Variants in SERPINB8 observed in about 807,000 individuals in gnomAD.
The protein encoded by SERPINB8 is serpin family B member 8, also known as serpin B8.
Under a neutral mutation model 35.3 loss-of-function variants are expected in SERPINB8, and 25 were observed. The observed-to-expected ratio is 0.71, with a 90% CI of 0.52 to 0.99. The LOEUF (loss-of-function observed/expected upper bound fraction) is 0.99. Ranked by LOEUF, SERPINB8 falls within the 50% of genes least tolerant of loss-of-function variation. The pLI, the probability that SERPINB8 is intolerant of heterozygous loss-of-function variation, is 0.00. For synonymous variants in SERPINB8, 186 were observed against 160.8 expected (o/e 1.16, Z -1.19); for missense variants, 484 against 446.5 (o/e 1.08, Z -0.76).
rs2050839108 is a variant in SERPINB8, at chr18:63,994,455, G to T, written c.70+9210G>T. Among the ~76,000 whole-genome samples the T allele has an allele frequency of 2.6e-5, 4 of 152,118 alleles. No individual in the cohort carries two copies. The South Asian group carries it at 8.3e-4, about 32-fold the overall frequency. On this transcript the variant is annotated intron_variant, in intron 1 of 1. Coordinates refer to the SERPINB8 transcript ENST00000493661. Reference sequence around the variant, plus strand: ...TCAGGGCACAGTAGAGGTGCTGGTGGTTCATCTGCAAGAGTCTGAGGGTAC... The same window carrying T: ...TCAGGGCACAGTAGAGGTGCTGGTGTTTCATCTGCAAGAGTCTGAGGGTAC...
chr18:63,977,509 A>G (rs1052630746), intron 1 of SERPINB8, among the ~76,000 whole-genome samples: 4 of 151,960 alleles, frequency 2.6e-5, no homozygotes, highest in African/African-American at 4.8e-5. Flanking sequence ...TGAATTTTCA[A>G]TAGAGATGGG....
chr18:63,985,143 G>A lies in SERPINB8; in HGVS notation c.618G>A (p.Gly206=), dbSNP rs1319374983. 1 of 1,614,220 alleles carries A rather than the reference G, an allele frequency of 6.2e-7. No individual in the cohort carries two copies. The highest frequency in any genetic ancestry group is 1.1e-5 in the South Asian group (1 of 91,088). The change falls in exon 6 of 7, where the codon GGG becomes GGA. Residue 206 remains glycine (G), a synonymous_variant. Transcript: ENST00000397985. Reference sequence around the variant, plus strand: ...TTAAGGAAGCTAAGTTTAAAATGGGGTATGCGGATGAGGTACACACCCAGG... The same window carrying A: ...TTAAGGAAGCTAAGTTTAAAATGGGATATGCGGATGAGGTACACACCCAGG... ...MMFKEAKFKM[G]YADEVHTQVL... is the part of the protein sequence containing the mutation.
chr18:64,005,513 C>T (rs574464635), exon 2 of SERPINB8: 2 of 152,204 alleles, frequency 1.3e-5, no homozygotes, highest in Non-Finnish European at 2.9e-5. Context: ...AGAGAACTAC[C>T]TTGCCCCTCT....
intron 7 of SERPINB8, among the ~76,000 whole-genome samples, chr18:64,014,414 A>G (rs2050940249): frequency 6.6e-6 from 1 of 152,166 alleles, no homozygotes; most frequent in South Asian, 2.1e-4. Flanking sequence ...GTATACATTT[A>G]AATTTCACAA....
chr18:64,010,664 G>GCTACTT (rs2050922019), downstream of SERPINB8, among the ~76,000 whole-genome samples: 1 of 151,972 alleles, frequency 6.6e-6, no homozygotes, highest in African/African-American at 2.4e-5. Context: ...ATTAATAACA[G>GCTACTT]CTACCAACAC....
At chr18:63,982,463 C>A (rs1188102882) in intron 4 of SERPINB8, among the ~76,000 whole-genome samples, 1 of 152,130 alleles carries the variant, frequency 6.6e-6, no homozygotes, top group Non-Finnish European at 1.5e-5. Flanking sequence ...TCCTAAATAC[C>A]TAACAAGTAA....
At chr18:63,981,064 C>T (rs558541389) in intron 3 of SERPINB8, among the ~76,000 whole-genome samples, 70 of 152,244 alleles carry the variant, frequency 4.6e-4, no homozygotes, top group Non-Finnish European at 8.7e-4. Flanking sequence ...GCAATCCACA[C>T]ACATGCAGGT....
chr18:63,973,958 T>C (rs1008332912), intron 1 of SERPINB8, among the ~76,000 whole-genome samples: 3 of 152,228 alleles, frequency 2.0e-5, no homozygotes, highest in African/African-American at 7.2e-5. Flanking sequence ...TAGGATTGTC[T>C]TGGCAATGTG....
chr18:64,011,292 G>A (rs1319729023), intron 7 of SERPINB8, among the ~76,000 whole-genome samples: 1 of 151,984 alleles, frequency 6.6e-6, no homozygotes, highest in Non-Finnish European at 1.5e-5. Flanking sequence ...GACATCAGGT[G>A]TCAAGCTATT....
At chr18:63,972,692 A>C (rs1375594879) in intron 1 of SERPINB8, among the ~76,000 whole-genome samples, 1 of 103,802 alleles carries the variant, frequency 9.6e-6, no homozygotes, top group Middle Eastern at 0.011. Flanking sequence ...CCCTATGTCC[A>C]AGTGTTTTCA....
rs920806368 is a variant in SERPINB8 at position 63,987,620 on chromosome 18, C to A, written c.*342C>A. ...CCTCTTCCATCCGCCCGGCTCTGCC[C>A]ACCACCACTGCCAGGCTGAACAGGG... On this transcript the variant is annotated 3_prime_UTR_variant, in exon 7 of 7. Coordinates refer to ENST00000397985, the MANE Select transcript of SERPINB8 (RefSeq NM_002640.4). 4.9e-5 allele frequency: 11 copies of A among 225,092 alleles called. No individual in the cohort carries two copies. Among genetic ancestry groups the A allele is most frequent in the Admixed American group, 2.6e-4 (5 of 19,232 alleles). 13.9% of individuals were successfully genotyped at this position (225,092 alleles called of 1,614,324 possible).
At chr18:63,973,044 T>G (rs1409164751) in intron 1 of SERPINB8, among the ~76,000 whole-genome samples, 1 of 152,252 alleles carries the variant, frequency 6.6e-6, no homozygotes, top group Non-Finnish European at 1.5e-5. Flanking sequence ...TTTCTAGTTC[T>G]AGATCCTTGA....
intron 6 of SERPINB8, chr18:63,986,512 C>G (rs374566398): frequency 6.7e-6 from 9 of 1,344,944 alleles, no homozygotes; most frequent in African/African-American, 6.0e-5. Context: ...GTCAAACAAT[C>G]TCTCCCACTC....
chr18:64,015,550 T>C (rs536038439), intron 7 of SERPINB8, among the ~76,000 whole-genome samples: 1 of 152,350 alleles, frequency 6.6e-6, no homozygotes, highest in Non-Finnish European at 1.5e-5. Context: ...GCTTTTCTTA[T>C]TTCAAAGATG....
At chr18:64,003,380 G>C (rs1306660916) in intron 1 of SERPINB8, among the ~76,000 whole-genome samples, 1 of 152,040 alleles carries the variant, frequency 6.6e-6, no homozygotes, top group Non-Finnish European at 1.5e-5. Flanking sequence ...TGGGGAAGCC[G>C]CTGAGGCAGT....
rs374893137 is a variant in SERPINB8 at position 63,987,153 on chromosome 18, G to A, written c.1000G>A (p.Val334Met). Reference protein sequence around the residue: ...EGTEAAAATAVVRNSRCSRME... With the variant: ...EGTEAAAATAMVRNSRCSRME... ...CACAGAGGCTGCCGCAGCCACTGCT[G>A]TGGTCAGGAATTCCCGGTGCAGCAG... Residue 334 changes from valine (V) to methionine (M), a missense_variant, in exon 7 of 7, where the codon GTG (valine) becomes ATG (methionine). Physicochemically the swap from Val to Met is conservative, Grantham distance 21. Coordinates refer to ENST00000397985, the MANE Select transcript of SERPINB8 (RefSeq NM_002640.4). 14 of 1,614,214 alleles carry A rather than the reference G, an allele frequency of 8.7e-6. No homozygotes were observed. The highest frequency in any genetic ancestry group is 1.1e-5 in the Non-Finnish European group (13 of 1,180,042).
At chr18:63,976,455 T>G (rs78816011) in intron 1 of SERPINB8, among the ~76,000 whole-genome samples, 1,706 of 152,336 alleles carry the variant, frequency 0.011, 42 homozygotes, top group African/African-American at 0.039. Flanking sequence ...AACTGGTTGA[T>G]AGGGATGCTA....
intron 1 of SERPINB8, among the ~76,000 whole-genome samples, chr18:63,975,477 T>C (rs1273357762): frequency 6.6e-6 from 1 of 152,130 alleles, no homozygotes; most frequent in African/African-American, 2.4e-5. Context: ...ACAGGAATAT[T>C]TTGTTCCATA....
downstream of SERPINB8, among the ~76,000 whole-genome samples, chr18:64,009,690 T>A (rs2050916932): frequency 6.6e-6 from 1 of 152,244 alleles, no homozygotes; most frequent in South Asian, 2.1e-4. Context: ...TGCCGGAAGC[T>A]GCAAAAGTTT....
Sources: gnomAD v4.1 joint callset for allele counts (sites outside exome capture counted in the v4.1 genomes callset) on GRCh38, gnomAD v4.1.1 for gene constraint, MANE v1.5 for transcripts, NCBI Gene and HGNC (gene_info 2026-07-23, HGNC 2026-07-21) for gene names.